The following SRPX variants were observed in gnomAD, a reference collection of about 807,000 sequenced individuals.
SRPX encodes sushi repeat containing protein X-linked.
In SRPX, 24 loss-of-function variants were observed where a neutral mutation model predicts 38.1. That is an observed-to-expected ratio of 0.63 (90% confidence interval 0.46 to 0.89). SRPX has a LOEUF of 0.89. Ranked by LOEUF, SRPX falls within the 40% of genes least tolerant of loss-of-function variation. SRPX has a pLI of 0.00. For missense variants in SRPX, 416 were observed against 377.8 expected (o/e 1.10, Z -0.84); for synonymous variants, 184 against 153.8 (o/e 1.20, Z -1.45).
At chrX:38,212,463 C>T (rs1939345529) in intron 1 of SRPX, among the ~76,000 whole-genome samples, 1 of 111,684 alleles carries the variant, frequency 9.0e-6, no homozygotes, top group South Asian at 3.8e-4. Context: ...ACTCATTCAT[C>T]AGACCAGTAC....
chrX:38,186,594 C>T (rs1938791738), intron 1 of SRPX, among the ~76,000 whole-genome samples: 1 of 112,003 alleles, frequency 8.9e-6, no homozygotes, highest in African/African-American at 3.2e-5. Flanking sequence ...TCTCTTAGGT[C>T]ACTGCGGTAG....
At chrX:38,155,604 G>C (rs1938118804) in intron 8 of SRPX, among the ~76,000 whole-genome samples, 1 of 112,391 alleles carries the variant, frequency 8.9e-6, no homozygotes, top group Non-Finnish European at 1.9e-5. Flanking sequence ...ATGCACAAAT[G>C]AATTAGTGTG....
At chrX:38,195,410 C>T (rs1377017972) in intron 1 of SRPX, among the ~76,000 whole-genome samples, 1 of 104,533 alleles carries the variant, frequency 9.6e-6, no homozygotes, top group Non-Finnish European at 1.9e-5. Flanking sequence ...TTACCATACC[C>T]ATATTATGTA....
chrX:38,177,865 A>T (rs774969535), intron 2 of SRPX, among the ~76,000 whole-genome samples: 2 of 112,218 alleles, frequency 1.8e-5, no homozygotes, highest in Non-Finnish European at 3.8e-5. Flanking sequence ...CGATGAAATG[A>T]GCTTATGAAA....
intron 1 of SRPX, among the ~76,000 whole-genome samples, chrX:38,186,031 A>G (rs919774653): frequency 9.0e-6 from 1 of 110,764 alleles, no homozygotes; most frequent in African/African-American, 3.3e-5. Flanking sequence ...ACCTTTTGTA[A>G]CTCCTCACTT....
chrX:38,178,122 T>G, intron 2 of SRPX, among the ~76,000 whole-genome samples, 163 bp downstream of exon 2: 1 of 111,804 alleles, frequency 8.9e-6, no homozygotes, highest in East Asian at 2.8e-4. Context: ...TTTATTTCCT[T>G]TTTTAAAAAA....
At chrX:38,201,677 G>A (rs1411300009) in intron 1 of SRPX, among the ~76,000 whole-genome samples, 1 of 111,295 alleles carries the variant, frequency 9.0e-6, no homozygotes, top group Non-Finnish European at 1.9e-5. Context: ...AAATTAGCGA[G>A]GTGCGGTGGT....
intron 7 of SRPX, among the ~76,000 whole-genome samples, chrX:38,157,355 C>T (rs1048556024): frequency 4.5e-5 from 5 of 111,274 alleles, no homozygotes; most frequent in African/African-American, 1.6e-4. Context: ...GGCTATGCTC[C>T]CATGGAGGTT....
intron 1 of SRPX, 107 bp from the exon 2 acceptor site, chrX:38,178,451 G>T: frequency 6.5e-6 from 4 of 611,676 alleles, no homozygotes; most frequent in Admixed American, 2.8e-5. Context: ...CTATTAGAAT[G>T]CAGAGCCAAG....
chrX:38,198,299 G>A (rs1939035854), intron 1 of SRPX, among the ~76,000 whole-genome samples: 1 of 111,990 alleles, frequency 8.9e-6, no homozygotes, highest in African/African-American at 3.2e-5. Context: ...ACAAACTTAG[G>A]TTTCTGCCTT....
intron 1 of SRPX, 145 bp from the exon 2 acceptor site, chrX:38,178,489 A>C: frequency 2.3e-6 from 1 of 441,498 alleles, no homozygotes; most frequent in Non-Finnish European, 3.9e-6. Context: ...CCATTCATGA[A>C]GGAACAAACA....
At chrX:38,179,294 G>C (rs900941988) in intron 1 of SRPX, among the ~76,000 whole-genome samples, 1 of 112,265 alleles carries the variant, frequency 8.9e-6, no homozygotes, top group African/African-American at 3.2e-5. Context: ...CACGGCCTCA[G>C]AGAGAACGTC....
At chrX:38,169,433 A>T (rs1938425262) in intron 4 of SRPX, among the ~76,000 whole-genome samples, 2 of 111,848 alleles carry the variant, frequency 1.8e-5, no homozygotes, top group African/African-American at 6.5e-5. Context: ...CATCTCCAAA[A>T]TGTTTTATTC....
chrX:38,191,517 A>G (rs1011306739), intron 1 of SRPX, among the ~76,000 whole-genome samples: 3 of 98,454 alleles, frequency 3.0e-5, no homozygotes, highest in Non-Finnish European at 6.3e-5. Context: ...TTGTTTCATG[A>G]CACTTTTGTT....
chrX:38,164,141 T>G (rs922785535), intron 5 of SRPX, among the ~76,000 whole-genome samples: 14 of 33,051 alleles, frequency 4.2e-4, no homozygotes, highest in African/African-American at 1.4e-3. Flanking sequence ...GTACATGAGA[T>G]TTTTTTTTTT....
chrX:38,209,521 C>G (rs943524618), intron 1 of SRPX, among the ~76,000 whole-genome samples: 3 of 112,025 alleles, frequency 2.7e-5, no homozygotes, highest in Non-Finnish European at 5.6e-5. Flanking sequence ...AAGGAAGACA[C>G]AGCCTCCTCA....
chrX:38,178,293 C>T lies in SRPX; in HGVS notation c.149G>A (p.Arg50Lys), dbSNP rs200018676. 64 of 1,207,195 alleles carry T rather than the reference C, an allele frequency of 5.3e-5. No homozygotes were observed. The East Asian group carries it at 1.2e-3, about 23-fold the overall frequency. ...ATAAGCAAAGCATTCACCTTTATATCTAGGGTGTGAATACCCGACTTCATC... is the reference window on the plus strand; with the variant it reads ...ATAAGCAAAGCATTCACCTTTATATTTAGGGTGTGAATACCCGACTTCATC... The part of the protein sequence containing the change: ...EDDEVGYSHP[R>K]YKDTPWCSPI... Residue 50 changes from arginine to lysine, a missense_variant, in exon 2 of 10, where the codon AGA becomes AAA. Coordinates refer to ENST00000378533, the MANE Select transcript of SRPX (RefSeq NM_006307.5).
chrX:38,155,716 T>C (rs932234103), intron 8 of SRPX, among the ~76,000 whole-genome samples: 1 of 112,377 alleles, frequency 8.9e-6, no homozygotes, highest in Non-Finnish European at 1.9e-5. Flanking sequence ...CATTTTCCTA[T>C]GGAATAAGAA....
intron 7 of SRPX, 149 bp from the exon 8 acceptor site, chrX:38,157,178 A>G (rs982857503): frequency 2.6e-5 from 17 of 644,859 alleles, no homozygotes; most frequent in East Asian, 1.4e-4. Flanking sequence ...GGCAGTCCCA[A>G]GAAGCGCCTG....
Sources: allele counts gnomAD v4.1 joint callset (sites outside exome capture counted in the v4.1 genomes callset), GRCh38; gene constraint gnomAD v4.1.1; transcripts MANE v1.5; gene names NCBI Gene and HGNC (gene_info 2026-07-23, HGNC 2026-07-21).